The following LRRC28 variants were observed in gnomAD, a reference collection of about 807,000 sequenced individuals.
LRRC28 encodes the protein leucine rich repeat containing 28, also known as leucine-rich repeat-containing protein 28.
Under a neutral mutation model 45.7 loss-of-function variants are expected in LRRC28, and 39 were observed. That is an observed-to-expected ratio of 0.85 (90% CI 0.66 to 1.12). LRRC28 has a LOEUF of 1.12. LRRC28 is among the 50% of genes most tolerant of loss of function. The pLI is 0.00. For missense variants in LRRC28, 435 were observed against 438.5 expected, an observed-to-expected ratio of 0.99 and a Z score of 0.07; for synonymous variants, 206 against 178.8, an observed-to-expected ratio of 1.15 and a Z score of -1.22.
intron 5 of LRRC28, 153 bp from the exon 6 acceptor site, chr15:99,333,770 A>G (rs1253786431): frequency 1.3e-6 from 1 of 772,322 alleles, no homozygotes; most frequent in Non-Finnish European, 2.1e-6. Context: ...GATTATTTGC[A>G]TTTTCACCAA....
intron 5 of LRRC28, among the ~76,000 whole-genome samples, chr15:99,296,085 C>T (rs1282278535): frequency 2.0e-5 from 3 of 152,184 alleles, no homozygotes; most frequent in Non-Finnish European, 4.4e-5. Flanking sequence ...TCTAGGGCTT[C>T]TGCTGTTGCT....
intron 3 of LRRC28, among the ~76,000 whole-genome samples, chr15:99,279,126 T>A (rs539510287): frequency 2.9e-4 from 44 of 152,350 alleles, no homozygotes; most frequent in African/African-American, 9.9e-4. Context: ...TTTTTCTGGA[T>A]GTTTTATATT....
chr15:99,295,513 A>C (rs1949198537), intron 5 of LRRC28, among the ~76,000 whole-genome samples: 1 of 152,214 alleles, frequency 6.6e-6, no homozygotes, highest in Non-Finnish European at 1.5e-5. Flanking sequence ...ATGTTTGAGG[A>C]GACAGAAAGA....
At chr15:99,285,691 G>C in intron 3 of LRRC28, 1 of 573,974 alleles carries the variant, frequency 1.7e-6, no homozygotes, top group Admixed American at 2.9e-5. Context: ...TTTAAAGTCT[G>C]TTTGAAAAAT....
rs1958045731 is a variant in LRRC28, at chr15:99,387,262, G to GT, written c.*1161dup. 1 of 150,764 alleles carries GT rather than the reference G, an allele frequency of 6.6e-6. No homozygotes were observed. Among genetic ancestry groups the GT allele is most frequent in the Non-Finnish European group, 1.5e-5 (1 of 67,684 alleles). The allele number at this position is 150,764 out of a possible 1,614,324, so 9.3% of individuals were successfully genotyped here. On this transcript the variant is annotated 3_prime_UTR_variant, in exon 10 of 10. Transcript: ENST00000301981. Reference sequence around the variant, plus strand: ...TTTTTAGTAGAGACGGGGTTTCACCGTGTTAGCCGGGATGGTCTCGATCTC... The same window carrying GT: ...TTTTTAGTAGAGACGGGGTTTCACCGTTGTTAGCCGGGATGGTCTCGATCTC...
At chr15:99,255,131 A>C (rs377533882) in intron 1 of LRRC28, among the ~76,000 whole-genome samples, 2 of 152,156 alleles carry the variant, frequency 1.3e-5, no homozygotes, top group African/African-American at 4.8e-5. Context: ...CTGAGGTGGG[A>C]GGATTGCTTG....
chr15:99,293,593 C>CCAAAAAAAAAAAAA lies in LRRC28; in HGVS notation c.385+5642_385+5643insCAAAAAAAAAAAAA, dbSNP rs747700282. The stretch of plus-strand genomic sequence containing the variant: ...GGGCAACAAGAACGAAACTCTGTCA[C>CCAAAAAAAAAAAAA]AAAAAAAAAAAAAAAAAAAAAAAAA... On this transcript the variant is annotated intron_variant, in intron 5 of 9. Transcript: ENST00000301981. Among the ~76,000 whole-genome samples the CCAAAAAAAAAAAAA allele has an allele frequency of 2.2e-3, 96 of 44,080 alleles. 9 individuals carry two copies. The highest frequency in any genetic ancestry group is 2.7e-3 in the Non-Finnish European group (61 of 22,732). 28.9% of individuals were successfully genotyped at this position (44,080 alleles called of 152,430 possible).
chr15:99,320,588 A>G (rs1429984285), intron 5 of LRRC28: 1 of 152,208 alleles, frequency 6.6e-6, no homozygotes, highest in Non-Finnish European at 1.5e-5. Context: ...AACACATGCT[A>G]GTAAGCATGC....
intron 2 of LRRC28, among the ~76,000 whole-genome samples, chr15:99,271,867 G>C (rs2081489836): frequency 6.6e-6 from 1 of 152,188 alleles, no homozygotes; most frequent in Non-Finnish European, 1.5e-5. Context: ...CCAAAATGTT[G>C]AGATTACAGG....
chr15:99,379,002 T>C (rs1957732117), intron 9 of LRRC28, among the ~76,000 whole-genome samples: 2 of 148,394 alleles, frequency 1.3e-5, no homozygotes, highest in African/African-American at 5.0e-5. Flanking sequence ...TAAAATTCTC[T>C]TTTTTTGTTG....
chr15:99,282,700 TAAGAACACCCTATG>T (rs921818436), intron 3 of LRRC28, among the ~76,000 whole-genome samples: 13 of 152,184 alleles, frequency 8.5e-5, no homozygotes, highest in African/African-American at 2.7e-4. Flanking sequence ...TAGGTTTGTG[TAAGAACACCCTATG>T]ATGTTTGCAT....
intron 8 of LRRC28, among the ~76,000 whole-genome samples, chr15:99,362,142 T>C (rs910357859): frequency 2.0e-5 from 3 of 152,212 alleles, no homozygotes; most frequent in Non-Finnish European, 4.4e-5. Context: ...AATATTAATA[T>C]GAAAAATACA....
In LRRC28 at chr15:99,287,314, TTTAG is replaced by T. The variant is rs758420305; in HGVS notation, c.247+25_247+28del. On this transcript the variant is annotated intron_variant, in intron 4 of 9. Transcript: ENST00000301981. ...CGGAAGGTATGTTTAACTTAAAAAT[TTTAG>T]TTAGAAGATAATATAATTTAAGCTT... 1.3e-6 allele frequency: 2 copies of T among 1,514,490 alleles called. No homozygotes were observed. Among genetic ancestry groups the T allele is most frequent in the East Asian group, 4.8e-5 (2 of 41,264 alleles). The allele number at this position is 1,514,490 out of a possible 1,614,324, so 93.8% of individuals were successfully genotyped here.
At chr15:99,340,385 G>T (rs899974091) in intron 6 of LRRC28, among the ~76,000 whole-genome samples, 7 of 152,188 alleles carry the variant, frequency 4.6e-5, no homozygotes, top group Non-Finnish European at 8.8e-5. Flanking sequence ...ATTGCCTCTT[G>T]TTCCTACTTT....
intron 9 of LRRC28, among the ~76,000 whole-genome samples, chr15:99,365,384 C>A (rs1244454352): frequency 6.6e-6 from 1 of 152,200 alleles, no homozygotes; most frequent in East Asian, 1.9e-4. Context: ...TGCCAAGATA[C>A]AAACATGGCT....
intron 5 of LRRC28, among the ~76,000 whole-genome samples, chr15:99,324,436 T>G (rs574429986): frequency 6.6e-6 from 1 of 152,190 alleles, no homozygotes; most frequent in Admixed American, 6.5e-5. Flanking sequence ...CTATTTTTAG[T>G]GGTACCGGAA....
In LRRC28 at chr15:99,361,147, G is replaced by A. The variant is rs867404041; in HGVS notation, c.696-189G>A. ...GCAATGATTTAGCTGAGTTCCAACT[G>A]ATGAGTTTAGATTGCTGGGCCAGGT... is the stretch of plus-strand genomic sequence containing the variant. On this transcript the variant is annotated intron_variant, in intron 7 of 9. Transcript: ENST00000301981. 10 of 582,862 alleles carry A rather than the reference G, an allele frequency of 1.7e-5. 1 individual carries two copies. The Middle Eastern group carries it at 1.4e-3, about 83-fold the overall frequency. The allele number at this position is 582,862 out of a possible 1,614,324, so 36.1% of individuals were successfully genotyped here. A position where few individuals can be genotyped will look rare whatever the true frequency, so the allele number is the denominator to read the frequency against.
intron 5 of LRRC28, among the ~76,000 whole-genome samples, chr15:99,324,155 TACCCTA>T (rs2152281309): frequency 6.6e-6 from 1 of 152,270 alleles, no homozygotes; most frequent in South Asian, 2.1e-4. Flanking sequence ...CTGGAGCTAA[TACCCTA>T]AATGACTAAG....
At chr15:99,364,325 C>T (rs1336208259) in intron 9 of LRRC28, among the ~76,000 whole-genome samples, 3 of 152,192 alleles carry the variant, frequency 2.0e-5, no homozygotes, top group Non-Finnish European at 4.4e-5. Context: ...AATGGTAGTT[C>T]CCATTTACAT....
Sources: gnomAD v4.1 joint callset for allele counts (sites outside exome capture counted in the v4.1 genomes callset) on GRCh38, gnomAD v4.1.1 for gene constraint, MANE v1.5 for transcripts, NCBI Gene and HGNC (gene_info 2026-07-23, HGNC 2026-07-21) for gene names.